The following ITGAM variants were observed in gnomAD, a reference collection of about 807,000 sequenced individuals.
The protein encoded by ITGAM is integrin alpha-M.
Under a neutral mutation model 137.5 loss-of-function variants are expected in ITGAM, and 79 were observed. That is an observed-to-expected ratio of 0.57 (90% CI 0.48 to 0.69). The LOEUF (loss-of-function observed/expected upper bound fraction) is 0.69, where lower values mean the gene tolerates loss of function less well. Among genes scored for constraint, ITGAM ranks in the 30% least tolerant of loss-of-function variants. The pLI is 0.00. For missense variants in ITGAM, 1,343 were observed against 1,483.5 expected (o/e 0.91, Z 1.56); for synonymous variants, 583 against 592.3 (o/e 0.98, Z 0.23).
chr16:31,267,637 T>G (rs2079783944), intron 5 of ITGAM, among the ~76,000 whole-genome samples: 1 of 151,984 alleles, frequency 6.6e-6, no homozygotes, highest in Non-Finnish European at 1.5e-5. Context: ...CCAACTAAGG[T>G]GATCACCTAT....
Position 31,277,046 on chromosome 16 carries a change from T to C in ITGAM, c.1210T>C (p.Leu404=), listed in dbSNP as rs372497896. 83 of 1,610,092 alleles carry C rather than the reference T, an allele frequency of 5.2e-5. No individual in the cohort carries two copies. The Admixed American group carries it at 8.4e-4, about 16-fold the overall frequency. The part of the protein sequence containing the change: ...RVDSDMNDAY[L]GYAAAIILRN... ...GGATTCAGACATGAATGATGCTTAC[T>C]TGGGTAAGTGGGGAGGGCAAGGGTT... Residue 404 remains leucine (L), a synonymous_variant, in exon 11 of 30, where the codon TTG becomes CTG. Coordinates refer to ENST00000544665, the MANE Select transcript of ITGAM (RefSeq NM_000632.4).
chr16:31,298,425 CAA>C (rs992739240), intron 14 of ITGAM, among the ~76,000 whole-genome samples: 3 of 152,206 alleles, frequency 2.0e-5, no homozygotes, highest in Admixed American at 6.5e-5. Context: ...ACAGAAATCT[CAA>C]AGACTCTTAG....
At chr16:31,270,716 TATATATATATATA>T (rs2079825330) in intron 5 of ITGAM, among the ~76,000 whole-genome samples, 1 of 102,028 alleles carries the variant, frequency 9.8e-6, no homozygotes, top group Non-Finnish European at 2.0e-5. Context: ...TATATATATA[TATATATATATATA>T]TATATATATA....
chr16:31,326,943 C>G lies in ITGAM; in HGVS notation c.2708+8C>G. 6.2e-7 allele frequency: 1 copy of G among 1,606,774 alleles called. No homozygotes were observed. The highest frequency in any genetic ancestry group is 8.5e-7 in the Non-Finnish European group (1 of 1,173,338). ...CAAGGCCAATGTGACCAGGTGCTCT[C>G]TGCTACCAGGCTTCTGCAGGCAGTT... is the stretch of plus-strand genomic sequence containing the variant. On this transcript the variant is annotated splice_region_variant and intron_variant, in intron 22 of 29. Transcript: ENST00000544665.
chr16:31,296,670 A>G (rs953339359), intron 12 of ITGAM, among the ~76,000 whole-genome samples: 2 of 152,016 alleles, frequency 1.3e-5, no homozygotes, highest in African/African-American at 4.8e-5. Flanking sequence ...ATTGCTATAC[A>G]CATCTCCCTG....
rs752764443 is a variant in ITGAM at position 31,265,359 on chromosome 16, T to C, written c.135-36T>C. ...TCTGTGGTCTCCTTCTCTCCCCACA[T>C]GTCGAAGTTTTCTCTGTTCCCACTT... On this transcript the variant is annotated intron_variant, in intron 2 of 29. Coordinates refer to ENST00000544665, the MANE Select transcript of ITGAM (RefSeq NM_000632.4). 3 of 1,262,052 alleles carry C rather than the reference T, an allele frequency of 2.4e-6. No homozygotes were observed. The South Asian group carries it at 4.1e-5, about 17-fold the overall frequency. The allele number at this position is 1,262,052 out of a possible 1,614,324, so 78.2% of individuals were successfully genotyped here.
intron 14 of ITGAM, among the ~76,000 whole-genome samples, chr16:31,302,388 CT>C (rs1471028251): frequency 6.7e-6 from 1 of 148,908 alleles, no homozygotes; most frequent in South Asian, 2.1e-4. Flanking sequence ...CTTTTCTTTT[CT>C]TTTTTCTTTT....
At chr16:31,277,745 G>A (rs7184677) in intron 11 of ITGAM, among the ~76,000 whole-genome samples, 27,062 of 151,918 alleles carry the variant, frequency 0.18, 3,044 homozygotes, top group African/African-American at 0.31. Flanking sequence ...CGCCTGTCTC[G>A]GACTCCCAAA....
At chr16:31,274,312 GA>G (rs1477357523) in intron 8 of ITGAM, among the ~76,000 whole-genome samples, 1 of 152,172 alleles carries the variant, frequency 6.6e-6, no homozygotes. Context: ...TTTAACATCA[GA>G]AGAAAAAGAA....
At chr16:31,302,940 C>CTT (rs1360043012) in intron 14 of ITGAM, among the ~76,000 whole-genome samples, 1 of 97,166 alleles carries the variant, frequency 1.0e-5, no homozygotes, top group African/African-American at 3.9e-5. Flanking sequence ...TTCTTTCTTT[C>CTT]TTTCTTTCTT....
At chr16:31,319,816 T>C (rs11864503) in intron 14 of ITGAM, among the ~76,000 whole-genome samples, 26,360 of 149,840 alleles carry the variant, frequency 0.18, 2,896 homozygotes, top group African/African-American at 0.31. Flanking sequence ...TCTCTTTTTG[T>C]ACTTTTTTTT....
At position 31,277,023 on chromosome 16, in the gene ITGAM, AT is replaced by A. The variant is rs755437129; in HGVS notation, c.1189del (p.Ser397GlnfsTer3). The stretch of plus-strand genomic sequence containing the variant: ...ACCTTCATCAACATGACCAGAGTGG[AT>A]TCAGACATGAATGATGCTTACTTGG... The part of the protein sequence containing the change: ...KSTFINMTRV[D>X]SDMNDAYLGY... On this transcript the variant is annotated frameshift_variant, in exon 11 of 30. Transcript: ENST00000544665. LOFTEE classifies it high-confidence loss of function. The A allele has an allele frequency of 3.1e-6, 5 of 1,612,896 alleles. No individual in the cohort carries two copies. Among genetic ancestry groups the A allele is most frequent in the Non-Finnish European group, 2.5e-6 (3 of 1,179,412 alleles).
intron 28 of ITGAM, 80 bp downstream of exon 28, chr16:31,330,685 C>T: frequency 1.0e-6 from 1 of 993,376 alleles, no homozygotes; most frequent in South Asian, 1.6e-5. Context: ...GAGAGAGAGA[C>T]ACAAAGAGAG....
chr16:31,265,490 G>A lies in ITGAM; in HGVS notation c.230G>A (p.Arg77His), dbSNP rs1143679. 0.1 allele frequency: 161,393 copies of A among 1,592,706 alleles called. 8,785 individuals are homozygous for A. Among genetic ancestry groups the A allele is most frequent in the Middle Eastern group, 0.16 (932 of 6,010 alleles). ...DYSTGSCEPI[R>H]LQVPVEAVNM... is the part of the protein sequence containing the mutation. ...AGCACAGGCTCATGCGAGCCCATCC[G>A]CCTGCAGGGTGAGTCACTGCCCCGC... Residue 77 changes from arginine to histidine, a missense_variant, in exon 3 of 30, where the codon CGC becomes CAC. Coordinates refer to ENST00000544665, the MANE Select transcript of ITGAM (RefSeq NM_000632.4).
At chr16:31,331,608 G>T (rs761539217) in intron 29 of ITGAM, 28 bp from the exon 30 acceptor site, 1 of 1,580,764 alleles carries the variant, frequency 6.3e-7, no homozygotes. Flanking sequence ...GGCTGCTGTC[G>T]CTCTCACTGC....
chr16:31,260,812 A>ACAACCTGC (rs2079690449), intron 1 of ITGAM, among the ~76,000 whole-genome samples: 1 of 152,178 alleles, frequency 6.6e-6, no homozygotes, highest in South Asian at 2.1e-4. Flanking sequence ...CTGTTTTTGC[A>ACAACCTGC]CAACCTGCCA....
intron 12 of ITGAM, among the ~76,000 whole-genome samples, chr16:31,296,173 C>T (rs1375217312): frequency 7.4e-5 from 11 of 148,546 alleles, no homozygotes; most frequent in Non-Finnish European, 5.9e-5. Context: ...GGCGTTATCT[C>T]GGCTCACTGC....
chr16:31,328,101 A>G (rs374172713), intron 22 of ITGAM, 46 bp from the exon 23 acceptor site: 2 of 1,433,180 alleles, frequency 1.4e-6, no homozygotes, highest in Non-Finnish European at 2.0e-6. Context: ...GCAAAGACTA[A>G]CTGTCAGTTC....
At chr16:31,289,269 G>A (rs944599661) in intron 12 of ITGAM, among the ~76,000 whole-genome samples, 5 of 152,260 alleles carry the variant, frequency 3.3e-5, no homozygotes, top group South Asian at 2.1e-4. Flanking sequence ...ATACCCAAAT[G>A]ACTATAAATC....
Sources: allele counts gnomAD v4.1 joint callset (sites outside exome capture counted in the v4.1 genomes callset), GRCh38; gene constraint gnomAD v4.1.1; transcripts MANE v1.5; gene names NCBI Gene and HGNC (gene_info 2026-07-23, HGNC 2026-07-21).